TRPC4: variants seen among roughly 807,000 people sequenced by gnomAD.
TRPC4 encodes the protein short transient receptor potential channel 4.
A neutral mutation model predicts 99.4 loss-of-function variants in TRPC4; 49 were observed. The ratio of observed to expected loss-of-function variants is 0.49; its 90% CI spans 0.39 to 0.63. The LOEUF (loss-of-function observed/expected upper bound fraction) is 0.63. TRPC4 is among the 20% of genes least tolerant of loss of function. TRPC4 has a pLI of 0.00. For missense variants in TRPC4, 898 were observed against 1,152.9 expected (o/e 0.78, Z 3.20); for synonymous variants, 454 against 425.9 (o/e 1.07, Z -0.81).
In TRPC4 at chr13:37,637,182, T is replaced by G. The variant is rs1233666801; in HGVS notation, c.2655A>C (p.Gln885His). 6.2e-7 allele frequency: 1 copy of G among 1,613,906 alleles called. No individual in the cohort carries two copies. Among genetic ancestry groups the G allele is most frequent in the East Asian group, 2.2e-5 (1 of 44,884 alleles). ...QAAGPLERNI[Q>H]LESRGLASRG... ...GTGAAGCTAATCCTCGAGATTCCAGTTGAATATTTCTCTCAAGTGGTCCTG... is the reference window on the plus strand; with the variant it reads ...GTGAAGCTAATCCTCGAGATTCCAGGTGAATATTTCTCTCAAGTGGTCCTG... Residue 885 changes from glutamine (Q) to histidine (H), a missense_variant, in exon 11 of 11, where the codon CAA becomes CAC. By Grantham distance (24) the Gln-to-His change is conservative. Around this residue, in one of 3 missense-constraint regions of TRPC4, gnomAD observed 346 missense variants for 351.4 expected, o/e 0.98. Transcript: ENST00000379705.
chr13:37,791,285 A>T (rs1478574604), intron 1 of TRPC4, among the ~76,000 whole-genome samples: 1 of 151,608 alleles, frequency 6.6e-6, no homozygotes. Flanking sequence ...AGTCCCAGCT[A>T]CTTGGGAGGC....
In TRPC4 at chr13:37,784,766, T is replaced by C. The variant is rs182031950; in HGVS notation, c.-27-1406A>G. On this transcript the variant is annotated intron_variant, in intron 1 of 10. Transcript: ENST00000379705. The stretch of plus-strand genomic sequence containing the variant: ...GATTATATTTAATAATATTTTTATT[T>C]TGGGAAATTTTACATTGTTTGCATA... Among the ~76,000 whole-genome samples the C allele has an allele frequency of 7.0e-3, 1,069 of 152,192 alleles. 13 individuals carry two copies. The highest frequency in any genetic ancestry group is 0.024 in the African/African-American group (1,011 of 41,572).
At chr13:37,772,850 C>T (rs939637893) in intron 2 of TRPC4, among the ~76,000 whole-genome samples, 1 of 151,632 alleles carries the variant, frequency 6.6e-6, no homozygotes, top group Non-Finnish European at 1.5e-5. Context: ...TGCATCAGGC[C>T]GCCCAACAGG....
At chr13:37,698,613 G>A (rs1315157873) in intron 3 of TRPC4, among the ~76,000 whole-genome samples, 2 of 152,082 alleles carry the variant, frequency 1.3e-5, no homozygotes, top group African/African-American at 4.8e-5. Flanking sequence ...AAAAGGAATT[G>A]CATAGAAGTC....
intron 3 of TRPC4, among the ~76,000 whole-genome samples, chr13:37,732,463 T>C (rs2139089941): frequency 6.6e-6 from 1 of 152,148 alleles, no homozygotes; most frequent in South Asian, 2.1e-4. Context: ...GAAGTACTAG[T>C]AAGAGCAATT....
At chr13:37,772,134 T>A (rs1302521455) in intron 2 of TRPC4, among the ~76,000 whole-genome samples, 1 of 151,698 alleles carries the variant, frequency 6.6e-6, no homozygotes, top group Non-Finnish European at 1.5e-5. Flanking sequence ...GATTCTCATT[T>A]CCCCTAAACT....
At chr13:37,720,298 A>G (rs1175241032) in intron 3 of TRPC4, among the ~76,000 whole-genome samples, 1 of 152,186 alleles carries the variant, frequency 6.6e-6, no homozygotes, top group Non-Finnish European at 1.5e-5. Flanking sequence ...TGAAATTCTG[A>G]AAGCAACCAC....
At chr13:37,684,655 T>C (rs1017825981) in intron 4 of TRPC4, among the ~76,000 whole-genome samples, 1 of 152,142 alleles carries the variant, frequency 6.6e-6, no homozygotes, top group Non-Finnish European at 1.5e-5. Flanking sequence ...TTGCCTAATA[T>C]ATAGTTTCGA....
intron 2 of TRPC4, among the ~76,000 whole-genome samples, chr13:37,781,718 A>G (rs1355235250): frequency 6.6e-6 from 1 of 152,092 alleles, no homozygotes; most frequent in Non-Finnish European, 1.5e-5. Context: ...ACAAGCAGAA[A>G]AGTATTGTTG....
At chr13:37,749,215 G>A (rs1389178076) in intron 2 of TRPC4, among the ~76,000 whole-genome samples, 1 of 152,040 alleles carries the variant, frequency 6.6e-6, no homozygotes, top group Non-Finnish European at 1.5e-5. Flanking sequence ...CAGCTATATG[G>A]AACTGTGAGT....
intron 6 of TRPC4, 54 bp downstream of exon 6, chr13:37,663,362 G>T: frequency 6.7e-7 from 1 of 1,501,880 alleles, no homozygotes; most frequent in Non-Finnish European, 9.0e-7. Context: ...TTTGTGATGT[G>T]GTGCACTCTA....
At chr13:37,824,880 C>T (rs1004512714) in intron 1 of TRPC4, among the ~76,000 whole-genome samples, 17 of 151,998 alleles carry the variant, frequency 1.1e-4, no homozygotes, top group African/African-American at 4.1e-4. Context: ...TGGCAGAATT[C>T]GGCTGTGAAT....
chr13:37,805,534 A>T (rs1184858819), intron 1 of TRPC4, among the ~76,000 whole-genome samples: 1 of 151,992 alleles, frequency 6.6e-6, no homozygotes, highest in South Asian at 2.1e-4. Flanking sequence ...ATGACTTCAG[A>T]AGGCCCAATG....
chr13:37,752,075 C>CTATATATATGTGTATATATA lies in TRPC4; in HGVS notation c.379-5621_379-5620insTATATATACACATATATATA, dbSNP rs1555266914. ...TACCAAAACCTGATAAAGCAGAAAA[C>CTATATATATGTGTATATATA]TATATATATATATATATATATGACT... On this transcript the variant is annotated intron_variant, in intron 2 of 10. Coordinates refer to ENST00000379705, the MANE Select transcript of TRPC4 (RefSeq NM_016179.4). 8.1e-5 allele frequency among the ~76,000 whole-genome samples: 6 copies of CTATATATATGTGTATATATA among 73,952 alleles called. 2 individuals are homozygous for CTATATATATGTGTATATATA. The highest frequency in any genetic ancestry group is 1.4e-4 in the Non-Finnish European group (5 of 36,724). The allele number at this position is 73,952 out of a possible 152,430, so 48.5% of individuals were successfully genotyped here.
chr13:37,759,870 T>G (rs1459572995), intron 2 of TRPC4, among the ~76,000 whole-genome samples: 1 of 134,162 alleles, frequency 7.5e-6, no homozygotes, highest in African/African-American at 2.5e-5. Context: ...ATTTCTTATA[T>G]TTATTTCATC....
At chr13:37,864,244 C>G (rs2139731952) in intron 1 of TRPC4, among the ~76,000 whole-genome samples, 1 of 151,660 alleles carries the variant, frequency 6.6e-6, no homozygotes, top group African/African-American at 2.4e-5. Context: ...TGTATCTGTC[C>G]TCTTTCAACT....
chr13:37,705,131 A>G (rs1179908404), intron 3 of TRPC4, among the ~76,000 whole-genome samples: 1 of 152,174 alleles, frequency 6.6e-6, no homozygotes, highest in Non-Finnish European at 1.5e-5. Context: ...AAAAGATGGA[A>G]TTTCTGTCAT....
chr13:37,786,022 T>A (rs1033277194), intron 1 of TRPC4, among the ~76,000 whole-genome samples: 1 of 152,018 alleles, frequency 6.6e-6, no homozygotes, highest in Non-Finnish European at 1.5e-5. Context: ...GATATTTGCA[T>A]TAGGTAATCT....
chr13:37,783,276 G>T lies in TRPC4; in HGVS notation c.58C>A (p.Leu20Ile), dbSNP rs1371854470. The T allele has an allele frequency of 6.2e-7, 1 of 1,613,012 alleles. No individual in the cohort carries two copies. The highest frequency in any genetic ancestry group is 2.2e-5 in the East Asian group (1 of 44,808). Residue 20 changes from leucine (L) to isoleucine (I), a missense_variant, in exon 2 of 11, where the codon CTA becomes ATA. Physicochemically the swap from Leu to Ile is conservative, Grantham distance 5 (BLOSUM62 2). Transcript: ENST00000379705. Reference protein sequence around the residue: ...VNAPYRDRIPLRIVRAESELS... With the variant: ...VNAPYRDRIPIRIVRAESELS... ...TCTGATTCTGCTCTTACTATCCTTA[G>T]AGGGATGCGGTCTCTATAGGGAGCA...
Sources: allele counts gnomAD v4.1 joint callset (sites outside exome capture counted in the v4.1 genomes callset), GRCh38; gene constraint gnomAD v4.1.1; regional missense constraint gnomAD v4.1.1; transcripts MANE v1.5; gene names NCBI Gene and HGNC (gene_info 2026-07-23, HGNC 2026-07-21).